NME9: variants seen among roughly 807,000 people sequenced by gnomAD.
NME9 encodes thioredoxin domain-containing protein 6.
NME9 carries 48 observed loss-of-function variants against 44.4 expected under a neutral mutation model. The observed-to-expected ratio is 1.08, with a 90% CI of 0.86 to 1.37. The LOEUF (loss-of-function observed/expected upper bound fraction) is 1.37, where lower values mean the gene tolerates loss of function less well. Among genes scored for constraint, NME9 ranks in the 40% most tolerant of loss-of-function variants. The pLI is 0.00. For missense variants in NME9, 325 were observed against 405.2 expected (o/e 0.80, Z 1.70); for synonymous variants, 139 against 147.1 (o/e 0.94, Z 0.40).
At chr3:138,268,249 A>T (rs2048462062) in intron 8 of NME9, among the ~76,000 whole-genome samples, 1 of 152,196 alleles carries the variant, frequency 6.6e-6, no homozygotes, top group Admixed American at 6.5e-5. Context: ...TCTAAAAAAT[A>T]AAACAAAACA....
chr3:138,315,407 C>T (rs1431954857), intron 5 of NME9, 120 bp downstream of exon 5: 1 of 672,138 alleles, frequency 1.5e-6, no homozygotes, highest in African/African-American at 1.8e-5. Context: ...CCAGGTGAAA[C>T]TTTTATGAAG....
chr3:138,291,594 G>T (rs897789193), intron 8 of NME9, among the ~76,000 whole-genome samples: 3 of 152,242 alleles, frequency 2.0e-5, no homozygotes, highest in Admixed American at 6.5e-5. Flanking sequence ...ACGTAACACA[G>T]TATCAGGTGA....
At chr3:138,267,170 C>T in intron 8 of NME9, 5 of 1,569,058 alleles carry the variant, frequency 3.2e-6, no homozygotes, top group Non-Finnish European at 4.3e-6. Context: ...ACAAAATGCA[C>T]CAGATGAAAT....
chr3:138,301,156 ACT>A lies in NME9; in HGVS notation c.*482_*483del. Reference sequence around the variant, plus strand: ...AGAGAAAAAAAACTGCGTTCTACATACTGTTTAATAAGGCAGAAAAGTATATA... The same window carrying A: ...AGAGAAAAAAAACTGCGTTCTACATAGTTTAATAAGGCAGAAAAGTATATA... On this transcript the variant is annotated 3_prime_UTR_variant, in exon 11 of 11. Transcript: ENST00000333911. 1.1e-6 allele frequency: 1 copy of A among 948,988 alleles called. No individual in the cohort carries two copies. Among genetic ancestry groups the A allele is most frequent in the Non-Finnish European group, 1.3e-6 (1 of 797,062 alleles). The allele number at this position is 948,988 out of a possible 1,614,324, so 58.8% of individuals were successfully genotyped here. A position where few individuals can be genotyped will look rare whatever the true frequency, so the allele number is the denominator to read the frequency against.
At chr3:138,308,144 A>G (rs549599880) in intron 6 of NME9, among the ~76,000 whole-genome samples, 1 of 152,312 alleles carries the variant, frequency 6.6e-6, no homozygotes, top group South Asian at 2.1e-4. Context: ...AGATGATGCA[A>G]CAGGGGAGCA....
At chr3:138,277,638 A>T (rs865990028) in intron 8 of NME9, among the ~76,000 whole-genome samples, 21 of 152,328 alleles carry the variant, frequency 1.4e-4, no homozygotes, top group Middle Eastern at 3.4e-3. Flanking sequence ...ATAGCTAAAA[A>T]TTTTTTTAAA....
Position 138,328,553 on chromosome 3 carries a change from A to C in NME9, c.33+750T>G, listed in dbSNP as rs1448347416. On this transcript the variant is annotated intron_variant, in intron 1 of 10. Coordinates refer to ENST00000333911, the MANE Select transcript of NME9 (RefSeq NM_001349018.2). The stretch of plus-strand genomic sequence containing the variant: ...CCTTGGTATGCATCTTACTGGGGCC[A>C]GCTGATGATGAGGCATTTTAAGTTC... Among the ~76,000 whole-genome samples, 26 of 152,188 alleles carry C rather than the reference A, an allele frequency of 1.7e-4. 1 individual carries two copies. The highest frequency in any genetic ancestry group is 1.7e-3 in the Admixed American group (26 of 15,282).
At chr3:138,311,157 T>A (rs1422493182) in intron 6 of NME9, among the ~76,000 whole-genome samples, 1 of 152,104 alleles carries the variant, frequency 6.6e-6, no homozygotes, top group African/African-American at 2.4e-5. Flanking sequence ...AATAGATAAA[T>A]TCCTGGATAT....
chr3:138,284,796 G>A (rs2108360232), intron 8 of NME9, among the ~76,000 whole-genome samples: 1 of 152,164 alleles, frequency 6.6e-6, no homozygotes, highest in African/African-American at 2.4e-5. Context: ...GTGAAGACCC[G>A]GGCTCTTGGC....
intron 8 of NME9, among the ~76,000 whole-genome samples, chr3:138,281,318 G>A (rs2049900869): frequency 6.7e-6 from 1 of 150,182 alleles, no homozygotes. Context: ...TTTTGATAGA[G>A]AGTCTCACTC....
At chr3:138,312,280 T>C (rs1236463022) in intron 6 of NME9, among the ~76,000 whole-genome samples, 2 of 152,182 alleles carry the variant, frequency 1.3e-5, no homozygotes, top group Non-Finnish European at 2.9e-5. Context: ...CTAAAATTTA[T>C]ATGGAACCAC....
In NME9 at chr3:138,317,142, T is replaced by C. The variant is rs576707285; in HGVS notation, c.267+1006A>G. Among the ~76,000 whole-genome samples the C allele has an allele frequency of 2.0e-5, 3 of 152,360 alleles. No homozygotes were observed. The East Asian group carries it at 5.8e-4, about 29-fold the overall frequency. On this transcript the variant is annotated intron_variant, in intron 4 of 10. Transcript: ENST00000333911. ...TCCCATTTCTGCAACTGAGCTCTGA[T>C]GTCAAGTGTGTCTGGGGCATGCTCA... is the stretch of plus-strand genomic sequence containing the variant.
At chr3:138,264,078 G>C (rs1181649291) in intron 8 of NME9, 1 of 1,530,652 alleles carries the variant, frequency 6.5e-7, no homozygotes, top group East Asian at 2.3e-5. Flanking sequence ...CAGTTTGTTT[G>C]AAAAGTAAAA....
intron 8 of NME9, among the ~76,000 whole-genome samples, chr3:138,266,986 G>A (rs2048344193): frequency 6.6e-6 from 1 of 152,178 alleles, no homozygotes; most frequent in Non-Finnish European, 1.5e-5. Context: ...CATAATTATA[G>A]CACTAGGAAA....
At chr3:138,293,601 G>C (rs1343322745) in intron 8 of NME9, among the ~76,000 whole-genome samples, 1 of 152,054 alleles carries the variant, frequency 6.6e-6, no homozygotes, top group Non-Finnish European at 1.5e-5. Context: ...GGTCAGATGA[G>C]TGTACCATCA....
intron 8 of NME9, chr3:138,263,980 C>T (rs1354312125): frequency 3.2e-6 from 3 of 930,806 alleles, no homozygotes; most frequent in African/African-American, 3.3e-5. Flanking sequence ...GAGAGCCTGG[C>T]CTCCAAACCC....
chr3:138,321,086 AAAAG>A (rs2053436383), intron 2 of NME9, among the ~76,000 whole-genome samples: 4 of 152,226 alleles, frequency 2.6e-5, no homozygotes, highest in Non-Finnish European at 5.9e-5. Context: ...CTTTTCTCTG[AAAAG>A]CCCAGTGAGA....
intron 8 of NME9, among the ~76,000 whole-genome samples, chr3:138,278,919 TTTAAG>T (rs561454575): frequency 5.8e-4 from 89 of 152,346 alleles, no homozygotes; most frequent in African/African-American, 1.6e-3. Context: ...CCAAAGTCAC[TTTAAG>T]TTATTTTGCG....
chr3:138,263,624 C>G, intron 8 of NME9: 1 of 953,146 alleles, frequency 1.0e-6, no homozygotes, highest in Non-Finnish European at 1.7e-6. Context: ...GAGGTAAAAA[C>G]TCTTGCCAAA....
Sources: gnomAD v4.1 joint callset for allele counts (sites outside exome capture counted in the v4.1 genomes callset) on GRCh38, gnomAD v4.1.1 for gene constraint, MANE v1.5 for transcripts, NCBI Gene and HGNC (gene_info 2026-07-23, HGNC 2026-07-21) for gene names.